The following POU4F3 variants were observed in gnomAD, a reference collection of about 807,000 sequenced individuals.
POU4F3 encodes the protein POU class 4 homeobox 3.
In POU4F3, 7 loss-of-function variants were observed where a neutral mutation model predicts 22.0. That is an observed-to-expected ratio of 0.32 (90% CI 0.18 to 0.60). POU4F3 has a LOEUF of 0.60. Among genes scored for constraint, POU4F3 ranks in the 20% least tolerant of loss-of-function variants. The pLI is 0.85. For missense variants in POU4F3, 457 were observed against 467.4 expected (o/e 0.98, Z 0.21); for synonymous variants, 220 against 194.5 (o/e 1.13, Z -1.09).
chr5:146,340,366 T>C lies in POU4F3; in HGVS notation c.939T>C (p.Leu313=), dbSNP rs1581278991. 2 of 1,614,010 alleles carry C rather than the reference T, an allele frequency of 1.2e-6. No homozygotes were observed. Among genetic ancestry groups the C allele is most frequent in the Admixed American group, 1.7e-5 (1 of 60,012 alleles). ...KIAAIAEKLD[L]KKNVVRVWFC... ...CGGCCATCGCTGAGAAACTGGACCTTAAAAAGAACGTGGTGAGAGTCTGGT... is the reference window on the plus strand; with the variant it reads ...CGGCCATCGCTGAGAAACTGGACCTCAAAAAGAACGTGGTGAGAGTCTGGT... Residue 313 remains leucine, a synonymous_variant, in exon 2 of 2, where the codon CTT becomes CTC. Transcript: ENST00000646991.
Position 146,340,942 on chromosome 5 carries a change from G to T in POU4F3, c.*498G>T, listed in dbSNP as rs572736184. On this transcript the variant is annotated 3_prime_UTR_variant, in exon 2 of 2. Coordinates refer to ENST00000646991, the MANE Select transcript of POU4F3 (RefSeq NM_002700.3). Reference sequence around the variant, plus strand: ...ATTAGAGTATATAAAATACATGTATGTTTCCAAAGGATAGCCTTATACTCC... The same window carrying T: ...ATTAGAGTATATAAAATACATGTATTTTTCCAAAGGATAGCCTTATACTCC... 5.5e-5 allele frequency: 11 copies of T among 200,038 alleles called. No individual in the cohort carries two copies. The highest frequency in any genetic ancestry group is 3.2e-4 in the Admixed American group (6 of 18,866). The allele number at this position is 200,038 out of a possible 1,614,324, so 12.4% of individuals were successfully genotyped here. A position where few individuals can be genotyped will look rare whatever the true frequency, so the allele number is the denominator to read the frequency against.
In POU4F3 at chr5:146,339,709, C is replaced by A; in HGVS notation, c.282C>A (p.Thr94=). 6.2e-7 allele frequency: 1 copy of A among 1,614,180 alleles called. No individual in the cohort carries two copies. Among genetic ancestry groups the A allele is most frequent in the Non-Finnish European group, 8.5e-7 (1 of 1,180,054 alleles). ...TGCCCTGCACGTCCACTTCGTCCAC[C>A]GTGCCCATCTCCCACCCAGCTGCGC... is the stretch of plus-strand genomic sequence containing the variant. ...SSVPCTSTSS[T]VPISHPAALT... is the part of the protein sequence containing the mutation. The change falls in exon 2 of 2, where the codon ACC becomes ACA. Residue 94 remains threonine, a synonymous_variant. Coordinates refer to ENST00000646991, the MANE Select transcript of POU4F3 (RefSeq NM_002700.3). The surrounding 1 kb of genome is among the most constrained non-coding windows in gnomAD (Gnocchi z 4.7).
rs750263275 is a variant in POU4F3, at chr5:146,339,070, C to T, written c.-43C>T. ...AGAGCGGCAAGCAAGCTAGACAAGCCTGATTCCATGTCACCCGCTGCCACC... is the reference window on the plus strand; with the variant it reads ...AGAGCGGCAAGCAAGCTAGACAAGCTTGATTCCATGTCACCCGCTGCCACC... On this transcript the variant is annotated 5_prime_UTR_variant, in exon 1 of 2. Transcript: ENST00000646991. The surrounding 1 kb of genome is among the most constrained non-coding windows in gnomAD (Gnocchi z 4.7). 6.2e-7 allele frequency: 1 copy of T among 1,611,784 alleles called. No individual in the cohort carries two copies. Among genetic ancestry groups the T allele is most frequent in the South Asian group, 1.1e-5 (1 of 90,630 alleles).
Position 146,338,962 on chromosome 5 carries a change from T to C in POU4F3, c.-151T>C, listed in dbSNP as rs1001104547. ...CCTTCCTGGCAGGCTGCTTGTAAGATGAGTGAAGAAGCAGGTGGGGGAGAG... is the reference window on the plus strand; with the variant it reads ...CCTTCCTGGCAGGCTGCTTGTAAGACGAGTGAAGAAGCAGGTGGGGGAGAG... On this transcript the variant is annotated 5_prime_UTR_variant, in exon 1 of 2. It removes an upstream start codon present in the reference 5' UTR. Coordinates refer to ENST00000646991, the MANE Select transcript of POU4F3 (RefSeq NM_002700.3). 81 of 1,248,766 alleles carry C rather than the reference T, an allele frequency of 6.5e-5. No individual in the cohort carries two copies. Among genetic ancestry groups the C allele is most frequent in the Non-Finnish European group, 8.5e-5 (75 of 883,168 alleles). 77.4% of individuals were successfully genotyped at this position (1,248,766 alleles called of 1,614,324 possible). A position where few individuals can be genotyped will look rare whatever the true frequency, so the allele number is the denominator to read the frequency against.
rs1760438743 is a variant in POU4F3 at position 146,340,469 on chromosome 5, G to C, written c.*25G>C. ...ATTGCGGCAGGGCGCAGCGTCGGGA[G>C]CCGGGAGAGCCTAGTGCTCATCCCT... On this transcript the variant is annotated 3_prime_UTR_variant, in exon 2 of 2. Transcript: ENST00000646991. 1 of 1,613,002 alleles carries C rather than the reference G, an allele frequency of 6.2e-7. No homozygotes were observed. The highest frequency in any genetic ancestry group is 8.5e-7 in the Non-Finnish European group (1 of 1,179,992).
Position 146,339,080 on chromosome 5 carries a change from G to T in POU4F3, c.-33G>T. 1 of 1,612,860 alleles carries T rather than the reference G, an allele frequency of 6.2e-7. No homozygotes were observed. The highest frequency in any genetic ancestry group is 8.5e-7 in the Non-Finnish European group (1 of 1,179,482). ...GCAAGCTAGACAAGCCTGATTCCATGTCACCCGCTGCCACCCTGCCAGGAG... is the reference window on the plus strand; with the variant it reads ...GCAAGCTAGACAAGCCTGATTCCATTTCACCCGCTGCCACCCTGCCAGGAG... On this transcript the variant is annotated 5_prime_UTR_variant, in exon 1 of 2. The change abolishes an upstream ATG in the 5' untranslated region. Transcript: ENST00000646991. The surrounding 1 kb of genome is among the most constrained non-coding windows in gnomAD (Gnocchi z 4.7).
chr5:146,339,943 C>T lies in POU4F3; in HGVS notation c.516C>T (p.Ala172=). ...CGCACACCGTGGCCCCTCATAGCGCCATGCCTGCATGCCTCAGCGACGTGG... is the reference window on the plus strand; with the variant it reads ...CGCACACCGTGGCCCCTCATAGCGCTATGCCTGCATGCCTCAGCGACGTGG... ...SHPHTVAPHS[A]MPACLSDVES... is the part of the protein sequence containing the mutation. The change falls in exon 2 of 2, where the codon GCC becomes GCT. Residue 172 remains alanine, a synonymous_variant. Coordinates refer to ENST00000646991, the MANE Select transcript of POU4F3 (RefSeq NM_002700.3). The surrounding 1 kb of genome is among the most constrained non-coding windows in gnomAD (Gnocchi z 4.7). The T allele has an allele frequency of 6.2e-7, 1 of 1,611,054 alleles. No individual in the cohort carries two copies. The highest frequency in any genetic ancestry group is 8.5e-7 in the Non-Finnish European group (1 of 1,179,940).
Position 146,339,182 on chromosome 5 carries a change from C to G in POU4F3, c.70C>G (p.Leu24Val). ...GCTGCAAGAACCCAAATTCTCCAGT[C>G]TGCACTCTGGCTCCGAGGCCATGCG... ...PVLQEPKFSSLHSGSEAMRRV... is the reference protein window; with the variant it reads ...PVLQEPKFSSVHSGSEAMRRV... Residue 24 changes from leucine (L) to valine (V), a missense_variant, in exon 1 of 2, where the codon CTG becomes GTG. This residue lies in a region of POU4F3 where 410 missense variants were observed against 385.0 expected (regional missense o/e 1.06). Transcript: ENST00000646991. The surrounding 1 kb of genome is among the most constrained non-coding windows in gnomAD (Gnocchi z 4.7). 1 of 1,614,264 alleles carries G rather than the reference C, an allele frequency of 6.2e-7. No homozygotes were observed. The highest frequency in any genetic ancestry group is 8.5e-7 in the Non-Finnish European group (1 of 1,180,046).
Position 146,338,978 on chromosome 5 carries a change from T to TGGGGGAGAGGGGAGGCAGC in POU4F3, c.-133_-115dup. ...CTTGTAAGATGAGTGAAGAAGCAGG[T>TGGGGGAGAGGGGAGGCAGC]GGGGGAGAGGGGAGGCAGCGAGCGA... On this transcript the variant is annotated 5_prime_UTR_variant, in exon 1 of 2. It removes the in-frame stop codon of an upstream open reading frame in the 5' UTR. Transcript: ENST00000646991. 7.5e-7 allele frequency: 1 copy of TGGGGGAGAGGGGAGGCAGC among 1,339,030 alleles called. No individual in the cohort carries two copies. Among genetic ancestry groups the TGGGGGAGAGGGGAGGCAGC allele is most frequent in the Non-Finnish European group, 1.0e-6 (1 of 961,652 alleles). 82.9% of individuals were successfully genotyped at this position (1,339,030 alleles called of 1,614,324 possible).
Position 146,340,048 on chromosome 5 carries a change from C to G in POU4F3, c.621C>G (p.Asp207Glu). Residue 207 changes from aspartate to glutamate, a missense_variant, in exon 2 of 2, where the codon GAC becomes GAG. By Grantham distance (45) the Asp-to-Glu change is conservative. Coordinates refer to ENST00000646991, the MANE Select transcript of POU4F3 (RefSeq NM_002700.3). ...RRIKLGVTQA[D>E]VGAALANLKI... ...TCAAGCTGGGGGTGACCCAGGCGGA[C>G]GTGGGCGCGGCTCTGGCTAATCTCA... The G allele has an allele frequency of 6.2e-7, 1 of 1,614,112 alleles. No individual in the cohort carries two copies. Among genetic ancestry groups the G allele is most frequent in the Non-Finnish European group, 8.5e-7 (1 of 1,180,036 alleles).
In POU4F3 at chr5:146,341,080, G is replaced by T. The variant is rs1345960149; in HGVS notation, c.*636G>T. The T allele has an allele frequency of 6.5e-6, 1 of 153,362 alleles. No individual in the cohort carries two copies. The highest frequency in any genetic ancestry group is 1.5e-5 in the Non-Finnish European group (1 of 68,882). 9.5% of individuals were successfully genotyped at this position (153,362 alleles called of 1,614,324 possible). On this transcript the variant is annotated 3_prime_UTR_variant, in exon 2 of 2. Coordinates refer to ENST00000646991, the MANE Select transcript of POU4F3 (RefSeq NM_002700.3). ...TGCAGGGAGTTGCGGGCTCCAAGTT[G>T]CCATTTTTTCGTGGTAAGTAGGGCT...
chr5:146,340,247 C>A lies in POU4F3; in HGVS notation c.820C>A (p.Arg274=), dbSNP rs1400006067. The A allele has an allele frequency of 6.2e-7, 1 of 1,614,184 alleles. No individual in the cohort carries two copies. Among genetic ancestry groups the A allele is most frequent in the Non-Finnish European group, 8.5e-7 (1 of 1,180,044 alleles). ...GCCAGAGCTCTTCAACGGCAGCGAACGGAAGCGCAAACGCACGTCCATCGC... is the reference window on the plus strand; with the variant it reads ...GCCAGAGCTCTTCAACGGCAGCGAAAGGAAGCGCAAACGCACGTCCATCGC... ...SKPELFNGSE[R]KRKRTSIAAP... is the part of the protein sequence containing the mutation. The change falls in exon 2 of 2, where the codon CGG becomes AGG. Residue 274 remains arginine (R), a synonymous_variant. Coordinates refer to ENST00000646991, the MANE Select transcript of POU4F3 (RefSeq NM_002700.3).
Position 146,340,666 on chromosome 5 carries a change from A to G in POU4F3, c.*222A>G, listed in dbSNP as rs1328033917. The G allele has an allele frequency of 3.2e-6, 2 of 630,104 alleles. No individual in the cohort carries two copies. Among genetic ancestry groups the G allele is most frequent in the South Asian group, 1.9e-5 (1 of 52,092 alleles). 39.0% of individuals were successfully genotyped at this position (630,104 alleles called of 1,614,324 possible). ...AATTTTGGCGCTGGGAAAATATTGC[A>G]GAAGGGCGGGCCTGAGTGTACTTGT... On this transcript the variant is annotated 3_prime_UTR_variant, in exon 2 of 2. Transcript: ENST00000646991.
rs991887533 is a variant in POU4F3, at chr5:146,338,970, G to A, written c.-143G>A. 26 of 1,304,256 alleles carry A rather than the reference G, an allele frequency of 2.0e-5. No homozygotes were observed. Among genetic ancestry groups the A allele is most frequent in the Non-Finnish European group, 2.7e-5 (25 of 931,446 alleles). The allele number at this position is 1,304,256 out of a possible 1,614,324, so 80.8% of individuals were successfully genotyped here. On this transcript the variant is annotated 5_prime_UTR_variant, in exon 1 of 2. Transcript: ENST00000646991. Reference sequence around the variant, plus strand: ...GCAGGCTGCTTGTAAGATGAGTGAAGAAGCAGGTGGGGGAGAGGGGAGGCA... The same window carrying A: ...GCAGGCTGCTTGTAAGATGAGTGAAAAAGCAGGTGGGGGAGAGGGGAGGCA...
rs1262110230 is a variant in POU4F3, at chr5:146,340,966, C to G, written c.*522C>G. 1 of 172,170 alleles carries G rather than the reference C, an allele frequency of 5.8e-6. No homozygotes were observed. The highest frequency in any genetic ancestry group is 2.4e-5 in the African/African-American group (1 of 41,800). 10.7% of individuals were successfully genotyped at this position (172,170 alleles called of 1,614,324 possible). A position where few individuals can be genotyped will look rare whatever the true frequency, so the allele number is the denominator to read the frequency against. On this transcript the variant is annotated 3_prime_UTR_variant, in exon 2 of 2. Coordinates refer to ENST00000646991, the MANE Select transcript of POU4F3 (RefSeq NM_002700.3). Reference sequence around the variant, plus strand: ...TGTTTCCAAAGGATAGCCTTATACTCCCTTCCTTGCCTAAATTCTATTCAC... The same window carrying G: ...TGTTTCCAAAGGATAGCCTTATACTGCCTTCCTTGCCTAAATTCTATTCAC...
chr5:146,340,686 A>G lies in POU4F3; in HGVS notation c.*242A>G, dbSNP rs1381481249. The G allele has an allele frequency of 1.7e-5, 10 of 575,158 alleles. 1 individual carries two copies. Among genetic ancestry groups the G allele is most frequent in the South Asian group, 1.2e-4 (6 of 50,330 alleles). 35.6% of individuals were successfully genotyped at this position (575,158 alleles called of 1,614,324 possible). The stretch of plus-strand genomic sequence containing the variant: ...ATTGCAGAAGGGCGGGCCTGAGTGT[A>G]CTTGTGCTGTCCGTGGTGCTGAAAT... On this transcript the variant is annotated 3_prime_UTR_variant, in exon 2 of 2. Transcript: ENST00000646991.
chr5:146,338,918 C>A lies in POU4F3; in HGVS notation c.-195C>A. 1 of 892,552 alleles carries A rather than the reference C, an allele frequency of 1.1e-6. No individual in the cohort carries two copies. Among genetic ancestry groups the A allele is most frequent in the Non-Finnish European group, 1.7e-6 (1 of 575,542 alleles). 55.3% of individuals were successfully genotyped at this position (892,552 alleles called of 1,614,324 possible). On this transcript the variant is annotated 5_prime_UTR_variant, in exon 1 of 2. Transcript: ENST00000646991. ...CCTGCGAGTCCCCGGCGCGTGAGCA[C>A]GCCTGCGCGCGCCCGGGCCCTTCCT...
In POU4F3 at chr5:146,340,229, C is replaced by T. The variant is rs1361228671; in HGVS notation, c.802C>T (p.Leu268Phe). The T allele has an allele frequency of 9.3e-6, 15 of 1,614,096 alleles. No individual in the cohort carries two copies. In the East Asian group the frequency reaches 2.5e-4, roughly 26 times the overall value. Residue 268 changes from leucine to phenylalanine, a missense_variant, in exon 2 of 2, where the codon CTC (leucine) becomes TTC (phenylalanine). Coordinates refer to ENST00000646991, the MANE Select transcript of POU4F3 (RefSeq NM_002700.3). ...CCGAGAGAAGAACAGCAAGCCAGAG[C>T]TCTTCAACGGCAGCGAACGGAAGCG... Reference protein sequence around the residue: ...AYREKNSKPELFNGSERKRKR... With the variant: ...AYREKNSKPEFFNGSERKRKR...
rs760308594 is a variant in POU4F3 at position 146,340,278 on chromosome 5, C to G, written c.851C>G (p.Pro284Arg). ...CGCAAACGCACGTCCATCGCGGCGC[C>G]GGAGAAGCGTTCACTCGAGGCCTAT... ...RKRKRTSIAA[P>R]EKRSLEAYFA... The change falls in exon 2 of 2, where the codon CCG (proline) becomes CGG (arginine). Residue 284 changes from proline (P) to arginine (R), a missense_variant. This residue lies in a region of POU4F3 where 47 missense variants were observed against 82.4 expected (regional missense o/e 0.57). Transcript: ENST00000646991. 4 of 1,614,208 alleles carry G rather than the reference C, an allele frequency of 2.5e-6. No individual in the cohort carries two copies. The East Asian group carries it at 6.7e-5, about 27-fold the overall frequency.
Sources: gnomAD v4.1 joint callset for allele counts on GRCh38, gnomAD v4.1.1 for gene constraint, gnomAD v4.1.1 regional missense constraint, Gnocchi (gnomAD v3.1) non-coding constraint, MANE v1.5 for transcripts, NCBI Gene and HGNC (gene_info 2026-07-23, HGNC 2026-07-21) for gene names.